The following CSNK2A1 variants were observed in gnomAD, a reference collection of about 807,000 sequenced individuals.
CSNK2A1 encodes casein kinase II subunit alpha.
A neutral mutation model predicts 62.9 loss-of-function variants in CSNK2A1; 10 were observed. That is an observed-to-expected ratio of 0.16 (90% confidence interval 0.10 to 0.27). CSNK2A1 has a LOEUF of 0.27. Ranked by LOEUF, CSNK2A1 falls within the 10% of genes least tolerant of loss-of-function variation. CSNK2A1 has a pLI of 1.00. For synonymous variants in CSNK2A1, 124 were observed against 167.8 expected (o/e 0.74, Z 2.02); for missense variants, 160 against 492.0 (o/e 0.33, Z 6.38).
At chr20:530,921 C>T (rs527764069) in intron 1 of CSNK2A1, among the ~76,000 whole-genome samples, 3 of 152,108 alleles carry the variant, frequency 2.0e-5, no homozygotes, top group African/African-American at 7.2e-5. Context: ...CCCATTTGTA[C>T]TAAAAATACA....
At chr20:497,580 T>C in intron 7 of CSNK2A1, 141 bp downstream of exon 7, 1 of 636,948 alleles carries the variant, frequency 1.6e-6, no homozygotes, top group African/African-American at 1.9e-5. Context: ...ATGATACTAT[T>C]AACTTATTAA....
At chr20:529,997 T>C (rs2019180116) in intron 1 of CSNK2A1, among the ~76,000 whole-genome samples, 1 of 152,130 alleles carries the variant, frequency 6.6e-6, no homozygotes, top group Admixed American at 6.5e-5. Context: ...TGAGATAAAA[T>C]CCATGTAACA....
chr20:489,968 A>C, intron 9 of CSNK2A1, 87 bp from the exon 10 acceptor site: 1 of 1,083,538 alleles, frequency 9.2e-7, no homozygotes, highest in Non-Finnish European at 1.3e-6. Flanking sequence ...AAATTAAAAA[A>C]AAATCACTCC....
chr20:520,552 T>G (rs1340361413), intron 2 of CSNK2A1, among the ~76,000 whole-genome samples: 4 of 152,200 alleles, frequency 2.6e-5, no homozygotes, highest in Middle Eastern at 3.4e-3. Flanking sequence ...CACGCTGGAG[T>G]GCAGGGGCAT....
intron 13 of CSNK2A1, among the ~76,000 whole-genome samples, chr20:485,440 C>T (rs2018077849): frequency 6.6e-6 from 1 of 152,110 alleles, no homozygotes; most frequent in Non-Finnish European, 1.5e-5. Context: ...GCCTCAGCCT[C>T]CCAAAGTGCT....
intron 2 of CSNK2A1, among the ~76,000 whole-genome samples, chr20:524,192 G>GGCCAAGGT (rs2019016316): frequency 6.6e-6 from 1 of 151,882 alleles, no homozygotes; most frequent in Admixed American, 6.6e-5. Context: ...GGGAGGCTGA[G>GGCCAAGGT]GTGGGCAGAT....
intron 2 of CSNK2A1, among the ~76,000 whole-genome samples, chr20:514,702 G>A (rs1180918247): frequency 2.0e-5 from 3 of 152,118 alleles, no homozygotes; most frequent in African/African-American, 2.4e-5. Flanking sequence ...TCAGCCTCCC[G>A]AAGTGCTGAG....
At chr20:543,593 G>A in intron 1 of CSNK2A1, 79 bp downstream of exon 1, 4 of 397,228 alleles carry the variant, frequency 1.0e-5, no homozygotes, top group East Asian at 3.6e-5. Context: ...CTGGAAGCGT[G>A]AGGGTCGGCC....
chr20:532,815 C>T (rs1013842794), intron 1 of CSNK2A1, among the ~76,000 whole-genome samples: 3 of 152,118 alleles, frequency 2.0e-5, no homozygotes, highest in Non-Finnish European at 2.9e-5. Flanking sequence ...GATGTACTAA[C>T]AGGCAACCAT....
At chr20:542,491 T>C (rs1447277293) in intron 1 of CSNK2A1, among the ~76,000 whole-genome samples, 3 of 152,224 alleles carry the variant, frequency 2.0e-5, no homozygotes, top group Admixed American at 6.5e-5. Context: ...TGGAGTGCAG[T>C]GGCGGATCTC....
intron 4 of CSNK2A1, among the ~76,000 whole-genome samples, chr20:504,003 C>A (rs566439571): frequency 6.6e-5 from 10 of 152,210 alleles, no homozygotes; most frequent in South Asian, 6.2e-4. Flanking sequence ...TATGGTGAAA[C>A]CCCGTCTCTA....
intron 1 of CSNK2A1, among the ~76,000 whole-genome samples, chr20:543,415 G>A (rs2019495846): frequency 7.0e-6 from 1 of 142,680 alleles, no homozygotes; most frequent in African/African-American, 2.6e-5. Context: ...TCTGCAATAA[G>A]CTGGACTCCG....
chr20:483,857 G>C lies in CSNK2A1; in HGVS notation c.*104C>G. ...AATCCACAAGCAACGGTTCAGACAC[G>C]GTGCTTCTGAAGTGTTTCACCCCTC... On this transcript the variant is annotated 3_prime_UTR_variant, in exon 14 of 14. Coordinates refer to ENST00000217244, the MANE Select transcript of CSNK2A1 (RefSeq NM_177559.3). 1 of 1,011,014 alleles carries C rather than the reference G, an allele frequency of 9.9e-7. No homozygotes were observed. Among genetic ancestry groups the C allele is most frequent in the Non-Finnish European group, 1.3e-6 (1 of 741,660 alleles). 62.6% of individuals were successfully genotyped at this position (1,011,014 alleles called of 1,614,324 possible).
intron 12 of CSNK2A1, chr20:486,828 T>C (rs2018110531): frequency 1.4e-5 from 3 of 214,316 alleles, no homozygotes; most frequent in African/African-American, 6.9e-5. Flanking sequence ...CAGTACCAAG[T>C]AGGCCAAAGC....
intron 1 of CSNK2A1, among the ~76,000 whole-genome samples, chr20:530,608 G>C (rs1462171135): frequency 6.6e-6 from 1 of 151,706 alleles, no homozygotes; most frequent in East Asian, 1.9e-4. Context: ...CAAGTAGCTG[G>C]GACTATGGGT....
chr20:497,798 T>A lies in CSNK2A1; in HGVS notation c.367-18A>T. On this transcript the variant is annotated intron_variant, in intron 6 of 13. Coordinates refer to ENST00000217244, the MANE Select transcript of CSNK2A1 (RefSeq NM_177559.3). The stretch of plus-strand genomic sequence containing the variant: ...TACAATTGCTGTTAAAGACAAATGT[T>A]TGAGCCATGAAATAATGCTGACAGA... 1 of 1,609,464 alleles carries A rather than the reference T, an allele frequency of 6.2e-7. No homozygotes were observed. Among genetic ancestry groups the A allele is most frequent in the Non-Finnish European group, 8.5e-7 (1 of 1,176,850 alleles).
In CSNK2A1 at chr20:492,047, T is replaced by C. The variant is rs149428337; in HGVS notation, c.621+207A>G. 2.5e-3 allele frequency among the ~76,000 whole-genome samples: 379 copies of C among 152,348 alleles called. 1 individual carries two copies. The highest frequency in any genetic ancestry group is 0.017 in the Middle Eastern group (5 of 294). On this transcript the variant is annotated intron_variant, in intron 9 of 13. Coordinates refer to ENST00000217244, the MANE Select transcript of CSNK2A1 (RefSeq NM_177559.3). ...AGGATCAAATGCAAACCTATTCATA[T>C]TCTACCGACATTATGACAATAAAAG... is the stretch of plus-strand genomic sequence containing the variant.
chr20:484,694 TTGTGTGTGTGTGTGTG>T (rs3055006), intron 13 of CSNK2A1, among the ~76,000 whole-genome samples: 6 of 147,712 alleles, frequency 4.1e-5, no homozygotes, highest in Non-Finnish European at 6.0e-5. Context: ...AATCATGTTT[TTGTGTGTGTGTGTGTG>T]TGTGTGTGTG....
intron 2 of CSNK2A1, among the ~76,000 whole-genome samples, chr20:525,650 CAAAAAAA>C (rs59103809): frequency 1.6e-5 from 1 of 61,022 alleles, no homozygotes; most frequent in Non-Finnish European, 3.5e-5. Flanking sequence ...GACTCCATCT[CAAAAAAA>C]AAAAAAAAAA....
Sources: allele counts gnomAD v4.1 joint callset (sites outside exome capture counted in the v4.1 genomes callset), GRCh38; gene constraint gnomAD v4.1.1; transcripts MANE v1.5; gene names NCBI Gene and HGNC (gene_info 2026-07-23, HGNC 2026-07-21).